SLIT2: variants seen among roughly 807,000 people sequenced by gnomAD.
SLIT2 encodes the protein slit guidance ligand 2.
Under a neutral mutation model 185.7 loss-of-function variants are expected in SLIT2, and 41 were observed. The observed-to-expected ratio is 0.22, with a 90% CI of 0.17 to 0.29. The LOEUF is 0.29. Ranked by LOEUF, SLIT2 falls within the 10% of genes least tolerant of loss-of-function variation. The pLI, the probability that SLIT2 is intolerant of heterozygous loss-of-function variation, is 1.00. For synonymous variants in SLIT2, 693 were observed against 680.2 expected (o/e 1.02, Z -0.29); for missense variants, 1,571 against 1,909.0 (o/e 0.82, Z 3.30).
At chr4:20,279,995 G>C (rs1034402590) in intron 4 of SLIT2, among the ~76,000 whole-genome samples, 1 of 152,086 alleles carries the variant, frequency 6.6e-6, no homozygotes, top group Non-Finnish European at 1.5e-5. Context: ...TTGAATTTGG[G>C]ATGATATATG....
chr4:20,305,354 A>G (rs1044525057), intron 4 of SLIT2, among the ~76,000 whole-genome samples: 13 of 152,240 alleles, frequency 8.5e-5, no homozygotes, highest in Admixed American at 6.5e-5. Flanking sequence ...ATTAAGGTCT[A>G]TGTCACCTGT....
chr4:20,373,618 A>T (rs562582059), intron 4 of SLIT2, among the ~76,000 whole-genome samples: 18 of 152,242 alleles, frequency 1.2e-4, no homozygotes, highest in Admixed American at 9.8e-4. Flanking sequence ...AAAATTTCTT[A>T]GAGCTACCCT....
intron 4 of SLIT2, among the ~76,000 whole-genome samples, chr4:20,421,994 C>T (rs1354150188): frequency 1.3e-5 from 2 of 152,162 alleles, no homozygotes; most frequent in East Asian, 3.9e-4. Flanking sequence ...GGAACACCTC[C>T]ACAACATGTT....
In SLIT2 at chr4:20,533,653, G is replaced by A. The variant is rs373575007; in HGVS notation, c.1770G>A (p.Thr590=). 6 of 1,612,964 alleles carry A rather than the reference G, an allele frequency of 3.7e-6. No homozygotes were observed. In the African/African-American group the frequency reaches 4.0e-5, roughly 11 times the overall value. ...CTGGTGTAAATGAAATACTTCTTAC[G>A]AGTAATCGTTTGGAAAATGTGCAGC... ...GASGVNEILL[T]SNRLENVQHK... The change falls in exon 18 of 37, where the codon ACG becomes ACA. Residue 590 remains threonine, a synonymous_variant. Coordinates refer to ENST00000504154, the MANE Select transcript of SLIT2 (RefSeq NM_004787.4).
At chr4:20,617,247 G>A in intron 35 of SLIT2, 49 bp downstream of exon 35, 1 of 1,258,416 alleles carries the variant, frequency 7.9e-7, no homozygotes, top group East Asian at 5.0e-5. Flanking sequence ...AAGCCTCAAA[G>A]CCAAACCAAA....
intron 29 of SLIT2, among the ~76,000 whole-genome samples, chr4:20,583,259 T>C (rs1387764386): frequency 6.6e-6 from 1 of 152,212 alleles, no homozygotes; most frequent in African/African-American, 2.4e-5. Flanking sequence ...CTAGCATTGG[T>C]AGAGGTCCCC....
At chr4:20,515,902 G>A (rs1720164621) in intron 11 of SLIT2, among the ~76,000 whole-genome samples, 2 of 152,146 alleles carry the variant, frequency 1.3e-5, no homozygotes, top group South Asian at 4.1e-4. Context: ...TGCAACCTCC[G>A]CCTCCCAGAT....
rs577816333 is a variant in SLIT2 at position 20,346,833 on chromosome 4, G to A, written c.395+77952G>A. Reference sequence around the variant, plus strand: ...TTCGAGGGCAGGAAGCATCCAGAACGGGAGAAAGATGAAGACCGGAAGGAT... The same window carrying A: ...TTCGAGGGCAGGAAGCATCCAGAACAGGAGAAAGATGAAGACCGGAAGGAT... On this transcript the variant is annotated intron_variant, in intron 4 of 36. Coordinates refer to ENST00000504154, the MANE Select transcript of SLIT2 (RefSeq NM_004787.4). Among the ~76,000 whole-genome samples, 238 of 152,266 alleles carry A rather than the reference G, an allele frequency of 1.6e-3. 1 individual carries two copies. The highest frequency in any genetic ancestry group is 2.9e-3 in the Non-Finnish European group (197 of 68,026).
At chr4:20,412,170 G>A (rs1162422888) in intron 4 of SLIT2, among the ~76,000 whole-genome samples, 1 of 151,322 alleles carries the variant, frequency 6.6e-6, no homozygotes, top group Admixed American at 6.6e-5. Context: ...CTTGAAAGAT[G>A]GTCAAAAAGA....
intron 3 of SLIT2, among the ~76,000 whole-genome samples, chr4:20,263,755 ATAAG>A (rs1295514074): frequency 2.0e-5 from 3 of 151,866 alleles, no homozygotes; most frequent in Non-Finnish European, 4.4e-5. Context: ...CATAGTGGCA[ATAAG>A]TAAGATAATG....
Position 20,553,861 on chromosome 4 carries a change from G to T in SLIT2, c.2618G>T (p.Trp873Leu). The change falls in exon 26 of 37, where the codon TGG becomes TTG. Residue 873 changes from tryptophan to leucine, a missense_variant. This residue lies in a region of SLIT2 where 1,202 missense variants were observed against 1,416.4 expected (regional missense o/e 0.85). Coordinates refer to ENST00000504154, the MANE Select transcript of SLIT2 (RefSeq NM_004787.4). ...CDCNMQWLSDWVKSEYKEPGI... is the reference protein window; with the variant it reads ...CDCNMQWLSDLVKSEYKEPGI... ...TGTAACATGCAGTGGTTATCCGACT[G>T]GGTGAAGTCGGAATATAAGGAGCCT... The T allele has an allele frequency of 1.9e-6, 3 of 1,608,364 alleles. No individual in the cohort carries two copies. The highest frequency in any genetic ancestry group is 1.7e-6 in the Non-Finnish European group (2 of 1,178,550).
At chr4:20,358,341 A>T (rs1254483886) in intron 4 of SLIT2, among the ~76,000 whole-genome samples, 1 of 152,172 alleles carries the variant, frequency 6.6e-6, no homozygotes, top group Admixed American at 6.6e-5. Flanking sequence ...CTGCATGTCG[A>T]TGCATGTATC....
chr4:20,508,375 A>G (rs866399892), intron 9 of SLIT2, among the ~76,000 whole-genome samples: 13 of 152,060 alleles, frequency 8.5e-5, no homozygotes, highest in African/African-American at 2.7e-4. Flanking sequence ...GTTAATATCA[A>G]TACTAGTATA....
rs148573194 is a variant in SLIT2, at chr4:20,494,115, A to T, written c.914+2216A>T. ...TGACTTTTCTAGAATAATTGGTCTG[A>T]TGGCTGTGTGCCAGTGATTTGACAA... On this transcript the variant is annotated intron_variant, in intron 9 of 36. Transcript: ENST00000504154. Among the ~76,000 whole-genome samples the T allele has an allele frequency of 3.0e-4, 45 of 152,350 alleles. 1 individual carries two copies. The East Asian group carries it at 6.4e-3, about 22-fold the overall frequency.
At chr4:20,608,598 T>C (rs1728964373) in intron 33 of SLIT2, among the ~76,000 whole-genome samples, 1 of 152,178 alleles carries the variant, frequency 6.6e-6, no homozygotes, top group African/African-American at 2.4e-5. Flanking sequence ...ACGTGGACTC[T>C]TCTAACCACC....
chr4:20,499,407 A>C (rs1489759151), intron 9 of SLIT2, among the ~76,000 whole-genome samples: 1 of 152,128 alleles, frequency 6.6e-6, no homozygotes, highest in African/African-American at 2.4e-5. Context: ...CATTTGTCCC[A>C]CTCAAAATAT....
intron 4 of SLIT2, among the ~76,000 whole-genome samples, chr4:20,351,756 T>C (rs1721897433): frequency 2.0e-5 from 3 of 152,126 alleles, no homozygotes; most frequent in Non-Finnish European, 4.4e-5. Context: ...TGAGTACCTA[T>C]TGTGTCACAT....
At chr4:20,256,909 A>G (rs959874896) in intron 2 of SLIT2, among the ~76,000 whole-genome samples, 166 bp downstream of exon 2, 1 of 152,144 alleles carries the variant, frequency 6.6e-6, no homozygotes, top group Non-Finnish European at 1.5e-5. Flanking sequence ...ATTTAATAAA[A>G]ATTGGGGCTT....
At chr4:20,257,186 A>G (rs893301205) in intron 2 of SLIT2, among the ~76,000 whole-genome samples, 8 of 152,102 alleles carry the variant, frequency 5.3e-5, no homozygotes, top group African/African-American at 7.2e-5. Flanking sequence ...CAACCATTCA[A>G]ATTTTCAGCA....
Sources: gnomAD v4.1 joint callset for allele counts (sites outside exome capture counted in the v4.1 genomes callset) on GRCh38, gnomAD v4.1.1 for gene constraint, gnomAD v4.1.1 regional missense constraint, MANE v1.5 for transcripts, NCBI Gene and HGNC (gene_info 2026-07-23, HGNC 2026-07-21) for gene names.